LRP1B: variants seen among roughly 807,000 people sequenced by gnomAD.
LRP1B encodes the protein low-density lipoprotein receptor-related protein 1B.
Under a neutral mutation model 556.6 loss-of-function variants are expected in LRP1B, and 217 were observed. The observed-to-expected ratio is 0.39, with a 90% CI of 0.35 to 0.44. LRP1B has a LOEUF of 0.44. Ranked by LOEUF, LRP1B falls within the 20% of genes least tolerant of loss-of-function variation. LRP1B has a pLI of 1.00. For synonymous variants in LRP1B, 2,047 were observed against 1,865.8 expected (o/e 1.10, Z -2.50); for missense variants, 5,053 against 5,620.8 (o/e 0.90, Z 3.23).
At chr2:142,008,409 C>T (rs796764666) in intron 1 of LRP1B, among the ~76,000 whole-genome samples, 2 of 152,204 alleles carry the variant, frequency 1.3e-5, no homozygotes, top group African/African-American at 2.4e-5. Context: ...TGTGTGAGCA[C>T]GGATTCAAAT....
intron 82 of LRP1B, among the ~76,000 whole-genome samples, 159 bp from the exon 83 acceptor site, chr2:140,315,258 CAGAT>C (rs1558794272): frequency 6.6e-6 from 1 of 151,960 alleles, no homozygotes; most frequent in Non-Finnish European, 1.5e-5. Flanking sequence ...TATCTGAAAA[CAGAT>C]AGATTCTGGT....
chr2:142,114,744 C>G (rs1013955440), intron 1 of LRP1B, among the ~76,000 whole-genome samples: 1 of 151,884 alleles, frequency 6.6e-6, no homozygotes, highest in African/African-American at 2.4e-5. Flanking sequence ...GATACTGAAG[C>G]CCGGGAAAGG....
chr2:140,666,087 A>G (rs1401367084), intron 41 of LRP1B, among the ~76,000 whole-genome samples: 1 of 151,274 alleles, frequency 6.6e-6, no homozygotes, highest in African/African-American at 2.4e-5. Context: ...TCTGCCCTCC[A>G]AGTTCAAGCG....
Position 140,284,162 on chromosome 2 carries a change from A to AT in LRP1B, c.12968-9565dup, listed in dbSNP as rs1330224258. 3.3e-5 allele frequency among the ~76,000 whole-genome samples: 5 copies of AT among 151,774 alleles called. No homozygotes were observed. In the Admixed American group the frequency reaches 3.3e-4, roughly 10 times the overall value. ...TCAGCCTGATACAATTAATTAACAT[A>AT]TACTGTGTTAGTATCTACAGTGTTA... On this transcript the variant is annotated intron_variant, in intron 84 of 90. Coordinates refer to ENST00000389484, the MANE Select transcript of LRP1B (RefSeq NM_018557.3).
intron 1 of LRP1B, among the ~76,000 whole-genome samples, chr2:141,990,850 T>G (rs1473229549): frequency 6.6e-6 from 1 of 152,086 alleles, no homozygotes; most frequent in Non-Finnish European, 1.5e-5. Flanking sequence ...CTTTTAATAA[T>G]AGCACATTTT....
At chr2:140,359,755 G>T (rs2105140526) in intron 72 of LRP1B, among the ~76,000 whole-genome samples, 1 of 151,720 alleles carries the variant, frequency 6.6e-6, no homozygotes, top group Non-Finnish European at 1.5e-5. Context: ...AAACATCTCA[G>T]TTGGTTGTAG....
At chr2:142,007,841 G>T (rs956274707) in intron 1 of LRP1B, among the ~76,000 whole-genome samples, 2 of 152,154 alleles carry the variant, frequency 1.3e-5, no homozygotes, top group African/African-American at 4.8e-5. Flanking sequence ...CTCTGTAAGT[G>T]TAAGTTATTT....
chr2:141,342,412 T>C (rs1688099589), intron 3 of LRP1B, among the ~76,000 whole-genome samples: 1 of 151,924 alleles, frequency 6.6e-6, no homozygotes, highest in East Asian at 1.9e-4. Flanking sequence ...CAATACATTA[T>C]GGCCAAAAGG....
intron 1 of LRP1B, among the ~76,000 whole-genome samples, chr2:141,831,905 A>G (rs2105746591): frequency 6.6e-6 from 1 of 151,854 alleles, no homozygotes; most frequent in East Asian, 1.9e-4. Flanking sequence ...TCATTGCTCA[A>G]GCCTCACTGT....
chr2:140,545,349 A>T (rs1574064403), intron 43 of LRP1B, among the ~76,000 whole-genome samples: 1 of 152,046 alleles, frequency 6.6e-6, no homozygotes, highest in Non-Finnish European at 1.5e-5. Flanking sequence ...CTTTGTCATA[A>T]AATCTTTGCC....
intron 2 of LRP1B, among the ~76,000 whole-genome samples, chr2:141,517,592 T>C (rs1684371956): frequency 6.6e-6 from 1 of 152,176 alleles, no homozygotes; most frequent in Non-Finnish European, 1.5e-5. Context: ...ATGTCTGAGT[T>C]TCTCTTTAAC....
At chr2:141,354,392 C>G (rs1045384420) in intron 3 of LRP1B, among the ~76,000 whole-genome samples, 2 of 151,890 alleles carry the variant, frequency 1.3e-5, no homozygotes, top group African/African-American at 4.8e-5. Context: ...AAACCTATAT[C>G]CTTTACATAG....
chr2:141,310,021 A>G (rs569765838), intron 3 of LRP1B, among the ~76,000 whole-genome samples: 3 of 152,294 alleles, frequency 2.0e-5, no homozygotes, highest in South Asian at 2.1e-4. Context: ...CATTTTGTTA[A>G]GGCAGCCTTG....
intron 2 of LRP1B, among the ~76,000 whole-genome samples, chr2:141,682,962 G>T (rs1691157451): frequency 6.6e-6 from 1 of 152,126 alleles, no homozygotes; most frequent in African/African-American, 2.4e-5. Context: ...TCTAAATGTG[G>T]AGGGGAAGCT....
rs1344672440 is a variant in LRP1B, at chr2:140,386,002, C to A, written c.10422G>T (p.Lys3474Asn). Reference sequence around the variant, plus strand: ...ACTGGAATTCATGAGGTCCACAAGTCTTTTTATCTGTAATGGAAAGAACCA... The same window carrying A: ...ACTGGAATTCATGAGGTCCACAAGTATTTTTATCTGTAATGGAAAGAACCA... Reference protein sequence around the residue: ...DASDEANCDKKTCGPHEFQCK... With the variant: ...DASDEANCDKNTCGPHEFQCK... Residue 3474 changes from lysine to asparagine, a missense_variant, in exon 67 of 91, where the codon AAG becomes AAT. This residue lies in a region of LRP1B where 262 missense variants were observed against 395.1 expected (regional missense o/e 0.66). Coordinates refer to ENST00000389484, the MANE Select transcript of LRP1B (RefSeq NM_018557.3). The A allele has an allele frequency of 1.2e-6, 2 of 1,602,642 alleles. No homozygotes were observed. Among genetic ancestry groups the A allele is most frequent in the Non-Finnish European group, 1.7e-6 (2 of 1,170,258 alleles).
In LRP1B at chr2:141,015,713, T is replaced by C; in HGVS notation, c.2173A>G (p.Asn725Asp). Residue 725 changes from asparagine (N) to aspartate (D), a missense_variant, in exon 13 of 91, where the codon AAT (asparagine) becomes GAT (aspartate). Around this residue, in one of 5 missense-constraint regions of LRP1B, gnomAD observed 3,619 missense variants for 3,931.9 expected, o/e 0.92. Transcript: ENST00000389484. ...TCTTTTACCTTCCTGTGAGTCCCAT[T>C]CAAAAATACTTTTTCAATATGATCG... The part of the protein sequence containing the change: ...YYDHIEKVFL[N>D]GTHRKIVYSG... The C allele has an allele frequency of 6.2e-7, 1 of 1,612,696 alleles. No individual in the cohort carries two copies. The highest frequency in any genetic ancestry group is 8.5e-7 in the Non-Finnish European group (1 of 1,179,214).
chr2:140,506,271 G>T (rs982655689), intron 53 of LRP1B, among the ~76,000 whole-genome samples: 1 of 152,036 alleles, frequency 6.6e-6, no homozygotes, highest in Non-Finnish European at 1.5e-5. Flanking sequence ...TTGAGATGGA[G>T]TCTCACTCTG....
At chr2:141,085,421 C>G (rs1448296624) in intron 7 of LRP1B, among the ~76,000 whole-genome samples, 9 of 152,146 alleles carry the variant, frequency 5.9e-5, no homozygotes, top group Non-Finnish European at 1.0e-4. Context: ...GGACATTAGT[C>G]TGCACACCAA....
chr2:140,339,250 C>T lies in LRP1B; in HGVS notation c.11893-3412G>A, dbSNP rs375315246. 2.0e-4 allele frequency among the ~76,000 whole-genome samples: 30 copies of T among 149,330 alleles called. No individual in the cohort carries two copies. In the East Asian group the frequency reaches 4.2e-3, roughly 21 times the overall value. ...AGATTGTAAGGTATCTGTCACAATT[C>T]CAGCTTCAATAAACTGAAGATATAA... On this transcript the variant is annotated intron_variant, in intron 77 of 90. Transcript: ENST00000389484.
Sources: gnomAD v4.1 joint callset for allele counts (sites outside exome capture counted in the v4.1 genomes callset) on GRCh38, gnomAD v4.1.1 for gene constraint, gnomAD v4.1.1 regional missense constraint, MANE v1.5 for transcripts, NCBI Gene and HGNC (gene_info 2026-07-23, HGNC 2026-07-21) for gene names.